MBNL1: variants seen among roughly 807,000 people sequenced by gnomAD.
MBNL1 encodes muscleblind like splicing regulator 1.
MBNL1 carries 8 observed loss-of-function variants against 42.2 expected under a neutral mutation model. The ratio of observed to expected loss-of-function variants is 0.19; its 90% CI spans 0.11 to 0.34. MBNL1 has a LOEUF of 0.34. Ranked by LOEUF, MBNL1 falls within the 10% of genes least tolerant of loss-of-function variation. MBNL1 has a pLI of 1.00. For synonymous variants in MBNL1, 169 were observed against 173.9 expected, an observed-to-expected ratio of 0.97 and a Z score of 0.22; for missense variants, 309 against 495.3, an observed-to-expected ratio of 0.62 and a Z score of 3.57.
chr3:152,433,135 A>T, intron 4 of MBNL1, among the ~76,000 whole-genome samples: 1 of 152,194 alleles, frequency 6.6e-6, no homozygotes, highest in East Asian at 1.9e-4. Flanking sequence ...AGAATAGTGG[A>T]TAAGAGGTTG....
chr3:152,423,236 T>C, intron 3 of MBNL1, among the ~76,000 whole-genome samples: 1 of 152,014 alleles, frequency 6.6e-6, no homozygotes, highest in East Asian at 1.9e-4. Context: ...ACAATATAAA[T>C]GACAAAGGGG....
intron 2 of MBNL1, among the ~76,000 whole-genome samples, chr3:152,353,207 T>A (rs2095231997): frequency 6.6e-6 from 1 of 152,236 alleles, no homozygotes. Context: ...AATGGTGTAC[T>A]CTTTCATCCA....
chr3:152,435,246 T>G (rs1364744482), intron 4 of MBNL1, among the ~76,000 whole-genome samples: 1 of 152,144 alleles, frequency 6.6e-6, no homozygotes, highest in African/African-American at 2.4e-5. Flanking sequence ...CCAGTTTCAA[T>G]CTTCTGTGTA....
intron 2 of MBNL1, among the ~76,000 whole-genome samples, chr3:152,253,874 C>A (rs1364593405): frequency 6.6e-6 from 1 of 152,082 alleles, no homozygotes; most frequent in African/African-American, 2.4e-5. Context: ...TCATTTTACC[C>A]CATTTTAATT....
chr3:152,442,683 C>T (rs932748249), intron 4 of MBNL1, among the ~76,000 whole-genome samples: 2 of 152,140 alleles, frequency 1.3e-5, no homozygotes, highest in Non-Finnish European at 2.9e-5. Context: ...AGATCAAACT[C>T]ATATTGAGCA....
intron 4 of MBNL1, among the ~76,000 whole-genome samples, chr3:152,441,190 A>C (rs2099141271): frequency 6.6e-6 from 1 of 152,208 alleles, no homozygotes; most frequent in Non-Finnish European, 1.5e-5. Flanking sequence ...GAATAAATTC[A>C]AATATTGACA....
chr3:152,437,148 T>C (rs2099089554), intron 4 of MBNL1, among the ~76,000 whole-genome samples: 2 of 152,264 alleles, frequency 1.3e-5, no homozygotes, highest in African/African-American at 4.8e-5. Context: ...ATGTATACTC[T>C]ACTTCTTCCT....
intron 2 of MBNL1, among the ~76,000 whole-genome samples, chr3:152,301,416 C>T (rs1419292176): frequency 6.6e-6 from 1 of 152,102 alleles, no homozygotes; most frequent in African/African-American, 2.4e-5. Context: ...GTAAAAGTCT[C>T]ATAGATCCAT....
chr3:152,362,685 C>T (rs2096065578), intron 2 of MBNL1, among the ~76,000 whole-genome samples: 1 of 152,136 alleles, frequency 6.6e-6, no homozygotes, highest in African/African-American at 2.4e-5. Flanking sequence ...CCAGATGTGA[C>T]AACCGAACAT....
At chr3:152,375,701 C>T (rs777454447) in intron 2 of MBNL1, among the ~76,000 whole-genome samples, 1 of 152,034 alleles carries the variant, frequency 6.6e-6, no homozygotes, top group Non-Finnish European at 1.5e-5. Context: ...TGCCTGTAGT[C>T]CTAGCTACTT....
intron 2 of MBNL1, among the ~76,000 whole-genome samples, chr3:152,252,739 AGTTAAAT>A (rs996003185): frequency 9.2e-5 from 14 of 152,124 alleles, no homozygotes; most frequent in African/African-American, 3.4e-4. Context: ...AGTTTTTAAA[AGTTAAAT>A]GGGCATGTTA....
chr3:152,290,301 GT>G (rs932223830), intron 1 of MBNL1, among the ~76,000 whole-genome samples: 3 of 150,922 alleles, frequency 2.0e-5, no homozygotes, highest in South Asian at 4.2e-4. Context: ...TTTTGGGCAG[GT>G]TTTTTTTTAA....
intron 2 of MBNL1, among the ~76,000 whole-genome samples, chr3:152,375,627 G>A (rs1415466880): frequency 2.0e-5 from 3 of 151,978 alleles, no homozygotes; most frequent in Non-Finnish European, 2.9e-5. Flanking sequence ...AAACCAGTAA[G>A]CCCCAGGCTA....
In MBNL1 at chr3:152,332,739, T is replaced by TCAC. The variant is rs2085907041; in HGVS notation, c.174+32372_174+32373insCAC. The stretch of plus-strand genomic sequence containing the variant: ...GTGTGTGTGTGTGTGTGTGTGTGTG[T>TCAC]GCGCGCGCGCATGCGCACACACTAG... On this transcript the variant is annotated intron_variant, in intron 2 of 9. Transcript: ENST00000324210. Among the ~76,000 whole-genome samples the TCAC allele has an allele frequency of 6.1e-5, 7 of 115,646 alleles. No homozygotes were observed. In the South Asian group the frequency reaches 1.6e-3, roughly 26 times the overall value. 75.9% of individuals were successfully genotyped at this position (115,646 alleles called of 152,430 possible). A position where few individuals can be genotyped will look rare whatever the true frequency, so the allele number is the denominator to read the frequency against.
intron 2 of MBNL1, among the ~76,000 whole-genome samples, chr3:152,352,678 T>C (rs2095150346): frequency 6.6e-6 from 1 of 152,062 alleles, no homozygotes; most frequent in Admixed American, 6.6e-5. Flanking sequence ...GGAGTCTCCC[T>C]TGATCCCCTC....
chr3:152,376,341 G>A (rs1164415440), intron 2 of MBNL1, among the ~76,000 whole-genome samples: 1 of 152,068 alleles, frequency 6.6e-6, no homozygotes, highest in Non-Finnish European at 1.5e-5. Context: ...ATATTATCTC[G>A]AGGAAACATA....
chr3:152,287,419 C>G (rs1040064941), intron 1 of MBNL1, among the ~76,000 whole-genome samples: 4 of 152,118 alleles, frequency 2.6e-5, no homozygotes, highest in Admixed American at 1.3e-4. Flanking sequence ...AGAGAAGATA[C>G]TCTGGTTTCT....
intron 2 of MBNL1, among the ~76,000 whole-genome samples, chr3:152,356,799 T>TA (rs1413529237): frequency 1.3e-5 from 2 of 152,008 alleles, no homozygotes; most frequent in African/African-American, 4.8e-5. Context: ...TTTAAAATGA[T>TA]AAAAAATACA....
chr3:152,375,365 A>G (rs573467058), intron 2 of MBNL1, among the ~76,000 whole-genome samples: 1 of 152,374 alleles, frequency 6.6e-6, no homozygotes, highest in South Asian at 2.1e-4. Flanking sequence ...GTTAGTTTAG[A>G]TAAACACCAC....
Sources: gnomAD v4.1 joint callset for allele counts (sites outside exome capture counted in the v4.1 genomes callset) on GRCh38, gnomAD v4.1.1 for gene constraint, MANE v1.5 for transcripts, NCBI Gene and HGNC (gene_info 2026-07-23, HGNC 2026-07-21) for gene names.